GLIS1: variants seen among roughly 807,000 people sequenced by gnomAD.
GLIS1 encodes the protein zinc finger protein GLIS1.
A neutral mutation model predicts 63.8 loss-of-function variants in GLIS1; 24 were observed. The observed-to-expected ratio is 0.38, with a 90% confidence interval of 0.27 to 0.53. The LOEUF is 0.53. GLIS1 is among the 20% of genes least tolerant of loss of function. The pLI, the probability that GLIS1 is intolerant of heterozygous loss-of-function variation, is 0.85. For missense variants in GLIS1, 1,036 were observed against 1,074.1 expected (o/e 0.96, Z 0.50); for synonymous variants, 450 against 482.5 (o/e 0.93, Z 0.88).
At chr1:53,667,182 C>T (rs1646102410) in intron 2 of GLIS1, among the ~76,000 whole-genome samples, 1 of 152,212 alleles carries the variant, frequency 6.6e-6, no homozygotes, top group Non-Finnish European at 1.5e-5. Context: ...GTGTGCCACT[C>T]CGGAGCTTCC....
At chr1:53,632,197 G>T (rs1645660996) in intron 2 of GLIS1, among the ~76,000 whole-genome samples, 1 of 148,132 alleles carries the variant, frequency 6.8e-6, no homozygotes, top group African/African-American at 2.5e-5. Flanking sequence ...GACTGAGGGG[G>T]CAAGTGAATG....
At chr1:53,683,521 C>T (rs1315779297) in intron 2 of GLIS1, among the ~76,000 whole-genome samples, 2 of 152,256 alleles carry the variant, frequency 1.3e-5, no homozygotes, top group East Asian at 1.9e-4. Context: ...GAGGGCACCA[C>T]CTACCTCAGA....
chr1:53,717,496 G>A (rs142664424), intron 2 of GLIS1, among the ~76,000 whole-genome samples: 20 of 152,160 alleles, frequency 1.3e-4, no homozygotes, highest in African/African-American at 3.9e-4. Context: ...TGCCTTTTTG[G>A]GGGGTGCCCA....
At chr1:53,656,839 A>G (rs1645971217) in intron 2 of GLIS1, among the ~76,000 whole-genome samples, 1 of 152,204 alleles carries the variant, frequency 6.6e-6, no homozygotes, top group Non-Finnish European at 1.5e-5. Flanking sequence ...TGCAGGCCCC[A>G]CTGTGTGGCA....
Position 53,598,368 on chromosome 1 carries a change from C to T in GLIS1, c.437+1733G>A, listed in dbSNP as rs1312417851. Among the ~76,000 whole-genome samples, 1 of 152,042 alleles carries T rather than the reference C, an allele frequency of 6.6e-6. No individual in the cohort carries two copies. Reference sequence around the variant, plus strand: ...GACCAGCCCGGCCAACATGGTGAAACCCCGTCTCTATAAAAAATTAGCCAG... The same window carrying T: ...GACCAGCCCGGCCAACATGGTGAAATCCCGTCTCTATAAAAAATTAGCCAG... On this transcript the variant is annotated intron_variant, in intron 3 of 10. Coordinates refer to ENST00000628545, the MANE Select transcript of GLIS1 (RefSeq NM_001367484.1). This position sits in a 1 kb window ranked among gnomAD's most constrained non-coding sequence, Gnocchi z 4.6.
chr1:53,649,323 C>T (rs563830477), intron 2 of GLIS1, among the ~76,000 whole-genome samples: 1 of 152,314 alleles, frequency 6.6e-6, no homozygotes, highest in East Asian at 1.9e-4. Flanking sequence ...AGAAAATTAA[C>T]TATATGTTCT....
intron 2 of GLIS1, among the ~76,000 whole-genome samples, chr1:53,624,256 AT>A (rs1024003784): frequency 6.6e-6 from 1 of 152,222 alleles, no homozygotes; most frequent in Non-Finnish European, 1.5e-5. Flanking sequence ...TGGTCATTTG[AT>A]TTTTTACAAG....
intron 2 of GLIS1, among the ~76,000 whole-genome samples, chr1:53,623,915 G>A: frequency 6.6e-6 from 1 of 152,128 alleles, no homozygotes; most frequent in East Asian, 1.9e-4. Flanking sequence ...TAATAAATGA[G>A]GAGAGATACT....
Position 53,506,721 on chromosome 1 carries a change from A to G in GLIS1, c.2286T>C (p.Ser762=). The change falls in exon 11 of 11, where the codon TCT becomes TCC. Residue 762 remains serine, a synonymous_variant. Coordinates refer to ENST00000628545, the MANE Select transcript of GLIS1 (RefSeq NM_001367484.1). The stretch of plus-strand genomic sequence containing the variant: ...CGGGGCCGCTGGACACCACATCTTC[A>G]GATGGCTGCTGTGGCAGCGCTGTGG... ...SCPTALPQQP[S]EDVVSSGPED... 4 of 1,613,276 alleles carry G rather than the reference A, an allele frequency of 2.5e-6. No individual in the cohort carries two copies. The highest frequency in any genetic ancestry group is 3.4e-6 in the Non-Finnish European group (4 of 1,179,982).
chr1:53,568,099 A>G (rs773326520), intron 4 of GLIS1, among the ~76,000 whole-genome samples: 1 of 152,230 alleles, frequency 6.6e-6, no homozygotes, highest in Non-Finnish European at 1.5e-5. Context: ...AGCTCATGAA[A>G]GCAGCCGCGG....
chr1:53,677,250 G>C (rs545051903), intron 2 of GLIS1, among the ~76,000 whole-genome samples: 2 of 152,200 alleles, frequency 1.3e-5, no homozygotes, highest in African/African-American at 4.8e-5. Flanking sequence ...TTTCACCAAC[G>C]AACAAAATTG....
intron 4 of GLIS1, among the ~76,000 whole-genome samples, chr1:53,590,302 G>A (rs1236208208): frequency 2.0e-5 from 3 of 152,102 alleles, no homozygotes; most frequent in Non-Finnish European, 2.9e-5. Context: ...AACCAGGCTG[G>A]GTCCCAGGTC....
Position 53,598,598 on chromosome 1 carries a change from A to G in GLIS1, c.437+1503T>C, listed in dbSNP as rs1645285354. ...ATGGCCACGTGAGTACTCAGCGACA[A>G]GGCGGTCATCTGCGAGCTAAGGAGA... On this transcript the variant is annotated intron_variant, in intron 3 of 10. Coordinates refer to ENST00000628545, the MANE Select transcript of GLIS1 (RefSeq NM_001367484.1). The surrounding 1 kb of genome is among the most constrained non-coding windows in gnomAD (Gnocchi z 4.6). Among the ~76,000 whole-genome samples, 1 of 152,134 alleles carries G rather than the reference A, an allele frequency of 6.6e-6. No individual in the cohort carries two copies. Among genetic ancestry groups the G allele is most frequent in the Non-Finnish European group, 1.5e-5 (1 of 68,034 alleles).
At chr1:53,556,776 A>G (rs1336543174) in intron 4 of GLIS1, among the ~76,000 whole-genome samples, 1 of 137,160 alleles carries the variant, frequency 7.3e-6, no homozygotes, top group African/African-American at 2.8e-5. Context: ...GTGCAGGCAT[A>G]CTGCAGGTAT....
intron 2 of GLIS1, among the ~76,000 whole-genome samples, chr1:53,678,492 C>T: frequency 6.6e-6 from 1 of 151,898 alleles, no homozygotes; most frequent in Non-Finnish European, 1.5e-5. Context: ...CTCCTAGCAC[C>T]AACAATATTT....
intron 2 of GLIS1, among the ~76,000 whole-genome samples, chr1:53,643,699 G>A (rs1299192573): frequency 6.6e-6 from 1 of 152,194 alleles, no homozygotes; most frequent in East Asian, 1.9e-4. Context: ...CGAACGGCGG[G>A]AGGGTGAGGC....
At position 53,729,869 on chromosome 1, in the gene GLIS1, G is replaced by A. The variant is rs1385518912; in HGVS notation, c.259+7937C>T. Among the ~76,000 whole-genome samples the A allele has an allele frequency of 3.3e-5, 5 of 151,958 alleles. No individual in the cohort carries two copies. In the South Asian group the frequency reaches 6.3e-4, roughly 19 times the overall value. The stretch of plus-strand genomic sequence containing the variant: ...CAAATTAGAAACCCTATTTTGTTTC[G>A]CGCTGGAAATGCCACGATATTACCT... On this transcript the variant is annotated intron_variant, in intron 2 of 10. Transcript: ENST00000628545.
rs150815127 is a variant in GLIS1 at position 53,554,633 on chromosome 1, C to T, written c.1321-24681G>A. Among the ~76,000 whole-genome samples the T allele has an allele frequency of 1.8e-3, 269 of 152,072 alleles. 3 individuals are homozygous for T. The highest frequency in any genetic ancestry group is 6.2e-3 in the African/African-American group (257 of 41,492). Reference sequence around the variant, plus strand: ...AGGTTGGAGCCCTGAGTCCATATTGCCCCCCCAGGGCAACAGGGCACTGGA... The same window carrying T: ...AGGTTGGAGCCCTGAGTCCATATTGTCCCCCCAGGGCAACAGGGCACTGGA... On this transcript the variant is annotated intron_variant, in intron 4 of 10. Coordinates refer to ENST00000628545, the MANE Select transcript of GLIS1 (RefSeq NM_001367484.1).
chr1:53,724,999 C>T (rs887178087), intron 2 of GLIS1, among the ~76,000 whole-genome samples: 1 of 152,128 alleles, frequency 6.6e-6, no homozygotes, highest in Non-Finnish European at 1.5e-5. Context: ...TTTTCTCTAC[C>T]CCACCCCAGC....
Sources: allele counts gnomAD v4.1 joint callset (sites outside exome capture counted in the v4.1 genomes callset), GRCh38; gene constraint gnomAD v4.1.1; non-coding constraint Gnocchi (gnomAD v3.1); transcripts MANE v1.5; gene names NCBI Gene and HGNC (gene_info 2026-07-23, HGNC 2026-07-21).